The following TMEM135 variants were observed in gnomAD, a reference collection of about 807,000 sequenced individuals.
TMEM135 encodes the protein peroxisomal membrane protein 52.
A neutral mutation model predicts 60.3 loss-of-function variants in TMEM135; 30 were observed. The observed-to-expected ratio is 0.50, with a 90% confidence interval of 0.37 to 0.68. TMEM135 has a LOEUF of 0.68. Ranked by LOEUF, TMEM135 falls within the 30% of genes least tolerant of loss-of-function variation. The probability of loss-of-function intolerance (pLI) is 0.00; values close to 1 mark genes in which losing one functional copy is unlikely to be tolerated. For synonymous variants in TMEM135, 190 were observed against 186.7 expected (o/e 1.02, Z -0.14); for missense variants, 468 against 548.8 (o/e 0.85, Z 1.47).
chr11:87,257,665 T>G (rs1941556084), intron 6 of TMEM135, among the ~76,000 whole-genome samples: 1 of 152,202 alleles, frequency 6.6e-6, no homozygotes, highest in African/African-American at 2.4e-5. Context: ...ATCAAAAATG[T>G]CCAGAATAGA....
At position 87,057,372 on chromosome 11, in the gene TMEM135, A is replaced by C. The variant is rs907383233; in HGVS notation, c.142-10322A>C. ...CGGAAAACTTTTGAAGATTGCTTGTATCTTCCCACATATATTATTAACAAG... is the reference window on the plus strand; with the variant it reads ...CGGAAAACTTTTGAAGATTGCTTGTCTCTTCCCACATATATTATTAACAAG... On this transcript the variant is annotated intron_variant, in intron 1 of 14. Transcript: ENST00000305494. Among the ~76,000 whole-genome samples the C allele has an allele frequency of 2.0e-5, 3 of 152,186 alleles. No homozygotes were observed. In the East Asian group the frequency reaches 5.8e-4, roughly 29 times the overall value.
intron 5 of TMEM135, among the ~76,000 whole-genome samples, chr11:87,207,369 T>TC (rs1940258603): frequency 2.0e-5 from 3 of 152,210 alleles, no homozygotes. Flanking sequence ...TGGCTCTTTT[T>TC]CTGTTATTCC....
chr11:87,210,315 G>A (rs553456267), intron 5 of TMEM135, among the ~76,000 whole-genome samples: 4 of 152,218 alleles, frequency 2.6e-5, no homozygotes, highest in South Asian at 4.2e-4. Context: ...AACACAATCC[G>A]AAGTGATGAA....
intron 6 of TMEM135, among the ~76,000 whole-genome samples, chr11:87,276,725 G>A (rs1297639566): frequency 7.2e-6 from 1 of 139,828 alleles, no homozygotes; most frequent in Non-Finnish European, 1.5e-5. Flanking sequence ...CTGTATCGCG[G>A]TAGCGTGATC....
chr11:87,328,706 C>G lies in TMEM135; in HGVS notation c.*7373C>G. ...TTATTTTTTATGGCTGAGTAGTATT[C>G]CATGGTGCATATATACCACATTTTC... is the stretch of plus-strand genomic sequence containing the variant. On this transcript the variant is annotated 3_prime_UTR_variant, in exon 15 of 15. Transcript: ENST00000305494. 1 of 454,022 alleles carries G rather than the reference C, an allele frequency of 2.2e-6. No homozygotes were observed. Among genetic ancestry groups the G allele is most frequent in the Non-Finnish European group, 4.4e-6 (1 of 226,786 alleles). 28.1% of individuals were successfully genotyped at this position (454,022 alleles called of 1,614,324 possible).
chr11:87,120,236 A>T (rs1221786538), intron 4 of TMEM135, among the ~76,000 whole-genome samples: 1 of 149,946 alleles, frequency 6.7e-6, no homozygotes, highest in African/African-American at 2.5e-5. Flanking sequence ...AGTAGCTGGG[A>T]CCACAGGCAT....
intron 4 of TMEM135, among the ~76,000 whole-genome samples, chr11:87,104,583 C>A (rs896561621): frequency 1.3e-5 from 2 of 152,012 alleles, no homozygotes; most frequent in Non-Finnish European, 2.9e-5. Context: ...TGTTTTTCTG[C>A]AGTTTTGTTT....
Position 87,328,590 on chromosome 11 carries a change from C to T in TMEM135, c.*7257C>T, listed in dbSNP as rs1179239501. The T allele has an allele frequency of 8.8e-6, 4 of 453,960 alleles. No homozygotes were observed. The highest frequency in any genetic ancestry group is 2.0e-5 in the African/African-American group (1 of 49,994). The allele number at this position is 453,960 out of a possible 1,614,324, so 28.1% of individuals were successfully genotyped here. ...GCTCCCACTTACAGTTGAGAACATA[C>T]AGAATTTGATTTTCTATTCCGGAGT... On this transcript the variant is annotated 3_prime_UTR_variant, in exon 15 of 15. Coordinates refer to ENST00000305494, the MANE Select transcript of TMEM135 (RefSeq NM_022918.4).
At chr11:87,210,643 G>A (rs1423005048) in intron 5 of TMEM135, among the ~76,000 whole-genome samples, 1 of 152,070 alleles carries the variant, frequency 6.6e-6, no homozygotes, top group African/African-American at 2.4e-5. Flanking sequence ...AAGGAGGGGG[G>A]ACTCCTACCT....
At chr11:87,047,781 A>G (rs1245296759) in intron 1 of TMEM135, among the ~76,000 whole-genome samples, 1 of 122,244 alleles carries the variant, frequency 8.2e-6, no homozygotes, top group Non-Finnish European at 1.7e-5. Flanking sequence ...TAAACAAAGC[A>G]GCCGGGAAGC....
chr11:87,192,645 T>C (rs780164211), intron 5 of TMEM135, among the ~76,000 whole-genome samples: 15 of 152,092 alleles, frequency 9.9e-5, no homozygotes, highest in Admixed American at 9.2e-4. Context: ...ATTTTATTTA[T>C]AAATAAGAGA....
chr11:87,162,240 A>G (rs1183349143), intron 5 of TMEM135, among the ~76,000 whole-genome samples: 1 of 151,162 alleles, frequency 6.6e-6, no homozygotes, highest in Non-Finnish European at 1.5e-5. Context: ...TTTTTATTAT[A>G]CTTTAAGTTC....
Position 87,069,562 on chromosome 11 carries a change from A to G in TMEM135, c.269+1741A>G, listed in dbSNP as rs74837931. Reference sequence around the variant, plus strand: ...AGGTAGGGAACTCAGAAGTAAAAGCACATTTGAGAAATACAGTGAAATCTG... The same window carrying G: ...AGGTAGGGAACTCAGAAGTAAAAGCGCATTTGAGAAATACAGTGAAATCTG... On this transcript the variant is annotated intron_variant, in intron 2 of 14. Transcript: ENST00000305494. Among the ~76,000 whole-genome samples, 73 of 152,336 alleles carry G rather than the reference A, an allele frequency of 4.8e-4. 1 individual carries two copies. In the East Asian group the frequency reaches 0.014, roughly 29 times the overall value.
At chr11:87,231,361 T>G (rs758672499) in intron 5 of TMEM135, among the ~76,000 whole-genome samples, 25 of 152,314 alleles carry the variant, frequency 1.6e-4, no homozygotes, top group Non-Finnish European at 3.4e-4. Context: ...TACTGTTTTA[T>G]TAGCCAGACT....
intron 6 of TMEM135, among the ~76,000 whole-genome samples, chr11:87,276,629 A>G (rs1281248516): frequency 1.3e-5 from 2 of 150,750 alleles, no homozygotes; most frequent in Non-Finnish European, 2.9e-5. Context: ...TTTTATATTC[A>G]TAAGTTATAC....
At chr11:87,109,947 C>G (rs1181223906) in intron 4 of TMEM135, among the ~76,000 whole-genome samples, 1 of 152,070 alleles carries the variant, frequency 6.6e-6, no homozygotes, top group Non-Finnish European at 1.5e-5. Context: ...TATTGACTGG[C>G]AAACAAGTTA....
chr11:87,087,624 T>C (rs1036518002), intron 3 of TMEM135, among the ~76,000 whole-genome samples: 5 of 152,216 alleles, frequency 3.3e-5, no homozygotes, highest in African/African-American at 1.2e-4. Context: ...CAGAATAAAC[T>C]TCAGTGTTAT....
At chr11:87,220,585 C>A (rs574269269) in intron 5 of TMEM135, among the ~76,000 whole-genome samples, 56 of 152,194 alleles carry the variant, frequency 3.7e-4, no homozygotes, top group Admixed American at 2.0e-4. Flanking sequence ...TTGTTCATCT[C>A]ATTTCTAACT....
At chr11:87,208,245 A>G (rs1045646531) in intron 5 of TMEM135, among the ~76,000 whole-genome samples, 3 of 152,232 alleles carry the variant, frequency 2.0e-5, no homozygotes, top group African/African-American at 4.8e-5. Flanking sequence ...AATGTCAGAC[A>G]TAGAATTCAG....
Sources: gnomAD v4.1 joint callset for allele counts (sites outside exome capture counted in the v4.1 genomes callset) on GRCh38, gnomAD v4.1.1 for gene constraint, MANE v1.5 for transcripts, NCBI Gene and HGNC (gene_info 2026-07-23, HGNC 2026-07-21) for gene names.